Variants in ATP13A1 observed in about 807,000 individuals in gnomAD.
ATP13A1 encodes endoplasmic reticulum transmembrane helix translocase.
ATP13A1 carries 55 observed loss-of-function variants against 134.8 expected under a neutral mutation model. That is an observed-to-expected ratio of 0.41 (90% CI 0.33 to 0.51). The LOEUF is 0.51. ATP13A1 is among the 20% of genes least tolerant of loss of function. ATP13A1 has a pLI of 0.29. For missense variants in ATP13A1, 1,389 were observed against 1,652.8 expected (o/e 0.84, Z 2.77); for synonymous variants, 775 against 725.1 (o/e 1.07, Z -1.10).
Position 19,655,262 on chromosome 19 carries a change from G to T in ATP13A1, c.1535-23C>A. The T allele has an allele frequency of 1.2e-6, 2 of 1,613,932 alleles. No homozygotes were observed. Among genetic ancestry groups the T allele is most frequent in the South Asian group, 2.2e-5 (2 of 91,082 alleles). On this transcript the variant is annotated intron_variant, in intron 11 of 25. Transcript: ENST00000357324. This position sits in a 1 kb window ranked among gnomAD's most constrained non-coding sequence, Gnocchi z 5.7. ...TGTCTAGGGGCGGGAGTGAGGTCAG[G>T]GGTCCTGCTTGGCCCCAGCCCACTC...
At chr19:19,661,813 C>G (rs2062096511) in intron 1 of ATP13A1, among the ~76,000 whole-genome samples, 1 of 152,202 alleles carries the variant, frequency 6.6e-6, no homozygotes, top group South Asian at 2.1e-4. Context: ...CAAAGCGCCA[C>G]CGCACGGGTG....
At chr19:19,646,865 G>A (rs1033807912) in intron 22 of ATP13A1, 10 of 527,314 alleles carry the variant, frequency 1.9e-5, no homozygotes, top group Non-Finnish European at 3.0e-5. Context: ...CTTGATGATT[G>A]TTCCTTGCTT....
At chr19:19,659,557 C>T (rs748596367) in intron 3 of ATP13A1, 44 bp downstream of exon 3, 3 of 1,560,234 alleles carry the variant, frequency 1.9e-6, no homozygotes, top group African/African-American at 1.4e-5. Context: ...AGGAGGGGAG[C>T]AGGACAGAAA....
Position 19,649,725 on chromosome 19 carries a change from A to G in ATP13A1, c.2535+16T>C, listed in dbSNP as rs753619613. The G allele has an allele frequency of 6.2e-7, 1 of 1,611,256 alleles. No individual in the cohort carries two copies. The highest frequency in any genetic ancestry group is 1.7e-5 in the Admixed American group (1 of 59,952). Reference sequence around the variant, plus strand: ...GCCTACCGCTGTGCCCCTGACCCCTAGGGCTGTGCACATACCTTCTGCTTG... The same window carrying G: ...GCCTACCGCTGTGCCCCTGACCCCTGGGGCTGTGCACATACCTTCTGCTTG... On this transcript the variant is annotated intron_variant, in intron 18 of 25. Transcript: ENST00000357324.
intron 3 of ATP13A1, among the ~76,000 whole-genome samples, chr19:19,658,397 C>T (rs188479428): frequency 1.2e-4 from 18 of 152,204 alleles, no homozygotes; most frequent in Middle Eastern, 3.4e-3. Flanking sequence ...GGTACCTTTG[C>T]GTTGAGTAAG....
chr19:19,654,737 G>A (rs2062046316), intron 12 of ATP13A1, 37 bp from the exon 13 acceptor site: 2 of 1,578,872 alleles, frequency 1.3e-6, no homozygotes, highest in Admixed American at 1.7e-5. Flanking sequence ...CAGAGTGCAG[G>A]CGGGTAGGGC....
chr19:19,660,581 G>A (rs953774228), intron 1 of ATP13A1: 2 of 152,294 alleles, frequency 1.3e-5, no homozygotes, highest in African/African-American at 4.9e-5. Context: ...GACGTCAGGA[G>A]ATTGAGACCA....
Position 19,656,299 on chromosome 19 carries a change from C to A in ATP13A1, c.1084-116G>T. On this transcript the variant is annotated intron_variant, in intron 7 of 25. Transcript: ENST00000357324. The surrounding 1 kb of genome is among the most constrained non-coding windows in gnomAD (Gnocchi z 4.6). ...ATGAGCCAGGGGGATCCCCACCCGA[C>A]CAATACATCCCACCCAGCTCCCAGA... 2 of 1,370,836 alleles carry A rather than the reference C, an allele frequency of 1.5e-6. No individual in the cohort carries two copies. Among genetic ancestry groups the A allele is most frequent in the Non-Finnish European group, 2.0e-6 (2 of 1,012,992 alleles). 84.9% of individuals were successfully genotyped at this position (1,370,836 alleles called of 1,614,324 possible). A position where few individuals can be genotyped will look rare whatever the true frequency, so the allele number is the denominator to read the frequency against.
chr19:19,659,818 G>A, intron 2 of ATP13A1, 27 bp from the exon 3 acceptor site: 1 of 1,609,472 alleles, frequency 6.2e-7, no homozygotes, highest in Non-Finnish European at 8.5e-7. Flanking sequence ...GTTTGCCACA[G>A]AGGCCCCTGA....
Position 19,656,633 on chromosome 19 carries a change from TGAGGA to T in ATP13A1, c.1083+22_1083+26del. On this transcript the variant is annotated intron_variant, in intron 7 of 25. Coordinates refer to ENST00000357324, the MANE Select transcript of ATP13A1 (RefSeq NM_020410.3). The surrounding 1 kb of genome is among the most constrained non-coding windows in gnomAD (Gnocchi z 4.6). ...CTGGCCTGTTTCCTCCTGAACAGCTTGAGGATCCCCATCCTCCACCAAGTACCTTC... is the reference window on the plus strand; with the variant it reads ...CTGGCCTGTTTCCTCCTGAACAGCTTTCCCCATCCTCCACCAAGTACCTTC... 6.2e-7 allele frequency: 1 copy of T among 1,603,272 alleles called. No homozygotes were observed. The highest frequency in any genetic ancestry group is 8.5e-7 in the Non-Finnish European group (1 of 1,173,500).
intron 1 of ATP13A1, chr19:19,662,942 A>G (rs772813828): frequency 3.3e-5 from 15 of 455,568 alleles, no homozygotes; most frequent in Non-Finnish European, 5.1e-5. Flanking sequence ...AGTCGCTAAT[A>G]TGGGAACTAG....
In ATP13A1 at chr19:19,663,529, A is replaced by C. The variant is rs2062108062; in HGVS notation, c.138T>G (p.Gly46=). 6.5e-7 allele frequency: 1 copy of C among 1,528,250 alleles called. No individual in the cohort carries two copies. The highest frequency in any genetic ancestry group is 1.2e-5 in the South Asian group (1 of 83,280). 94.7% of individuals were successfully genotyped at this position (1,528,250 alleles called of 1,614,324 possible). A position where few individuals can be genotyped will look rare whatever the true frequency, so the allele number is the denominator to read the frequency against. Residue 46 remains glycine, a synonymous_variant, in exon 1 of 26, where the codon GGT becomes GGG. Transcript: ENST00000357324. The stretch of plus-strand genomic sequence containing the variant: ...GCCACACGGCAGCCACCAGCTCGTC[A>C]CCGTTCGCTATGAGCGCCGGCCCGG... ...LAAGPALIAN[G]DELVAAVWPY... is the part of the protein sequence containing the mutation.
rs1033419626 is a variant in ATP13A1 at position 19,663,590 on chromosome 19, G to A, written c.77C>T (p.Pro26Leu). The A allele has an allele frequency of 7.5e-6, 11 of 1,461,224 alleles. No individual in the cohort carries two copies. In the Admixed American group the frequency reaches 1.0e-4, roughly 14 times the overall value. 90.5% of individuals were successfully genotyped at this position (1,461,224 alleles called of 1,614,324 possible). A position where few individuals can be genotyped will look rare whatever the true frequency, so the allele number is the denominator to read the frequency against. ...CGCGCGCGGCTGCGGCCCGGGCTTG[G>A]GCTGCCCGTCAGGCCGGACCCCGCA... ...RPCGVRPDGQ[P>L]KPGPQPRALL... The change falls in exon 1 of 26, where the codon CCC becomes CTC. Residue 26 changes from proline (P) to leucine (L), a missense_variant. This residue lies in a region of ATP13A1 where 293 missense variants were observed against 270.8 expected (regional missense o/e 1.08). Transcript: ENST00000357324.
At chr19:19,654,497 G>A in intron 13 of ATP13A1, 46 bp downstream of exon 13, 1 of 1,556,782 alleles carries the variant, frequency 6.4e-7, no homozygotes, top group Non-Finnish European at 8.7e-7. Context: ...AGGGCTGTGA[G>A]AGCCAGTGGC....
intron 1 of ATP13A1, among the ~76,000 whole-genome samples, chr19:19,661,659 A>G (rs952807836): frequency 6.6e-6 from 1 of 152,300 alleles, no homozygotes; most frequent in Middle Eastern, 3.4e-3. Flanking sequence ...CCAGCACCTA[A>G]GACACAGAAA....
intron 13 of ATP13A1, 22 bp downstream of exon 13, chr19:19,654,521 G>C: frequency 6.3e-7 from 1 of 1,583,712 alleles, no homozygotes; most frequent in Non-Finnish European, 8.6e-7. Context: ...CCCTTGCTGG[G>C]CCTGAGGCCC....
intron 1 of ATP13A1, among the ~76,000 whole-genome samples, chr19:19,661,113 A>G (rs1218558692): frequency 6.6e-6 from 1 of 152,066 alleles, no homozygotes; most frequent in African/African-American, 2.4e-5. Context: ...AAAAACCCCA[A>G]AAAACAAAAC....
At chr19:19,648,234 G>A (rs574300549) in intron 19 of ATP13A1, among the ~76,000 whole-genome samples, 91 of 151,896 alleles carry the variant, frequency 6.0e-4, no homozygotes, top group Middle Eastern at 3.4e-3. Context: ...CAGGAGAATC[G>A]CTTGAACCCG....
rs1371419474 is a variant in ATP13A1 at position 19,645,492 on chromosome 19, C to G, written c.3545G>C (p.Cys1182Ser). 8 of 1,607,582 alleles carry G rather than the reference C, an allele frequency of 5.0e-6. No homozygotes were observed. Among genetic ancestry groups the G allele is most frequent in the Non-Finnish European group, 6.8e-6 (8 of 1,177,254 alleles). ...GACGCGGTCGGCCAGGAGCGCCAGGCAGAAGTCCAGGAGCAGGACCTGGGC... is the reference window on the plus strand; with the variant it reads ...GACGCGGTCGGCCAGGAGCGCCAGGGAGAAGTCCAGGAGCAGGACCTGGGC... ...VIAQVLLLDF[C>S]LALLADRVLQ... Residue 1182 changes from cysteine (C) to serine (S), a missense_variant, in exon 26 of 26, where the codon TGC (cysteine) becomes TCC (serine). This residue lies in a region of ATP13A1 where 228 missense variants were observed against 321.0 expected (regional missense o/e 0.71). Coordinates refer to ENST00000357324, the MANE Select transcript of ATP13A1 (RefSeq NM_020410.3). The surrounding 1 kb of genome is among the most constrained non-coding windows in gnomAD (Gnocchi z 4.1).
Sources: allele counts gnomAD v4.1 joint callset (sites outside exome capture counted in the v4.1 genomes callset), GRCh38; gene constraint gnomAD v4.1.1; regional missense constraint gnomAD v4.1.1; non-coding constraint Gnocchi (gnomAD v3.1); transcripts MANE v1.5; gene names NCBI Gene and HGNC (gene_info 2026-07-23, HGNC 2026-07-21).